The following CSMD1 variants were observed in gnomAD, a reference collection of about 807,000 sequenced individuals.
The protein encoded by CSMD1 is CUB and Sushi multiple domains 1.
CSMD1 carries 213 observed loss-of-function variants against 417.5 expected under a neutral mutation model. The observed-to-expected ratio is 0.51, with a 90% CI of 0.46 to 0.57. The LOEUF is 0.57. Ranked by LOEUF, CSMD1 falls within the 20% of genes least tolerant of loss-of-function variation. CSMD1 has a pLI of 0.00. For missense variants in CSMD1, 6,923 were observed against 4,529.7 expected, an observed-to-expected ratio of 1.53 and a Z score of -15.17; for synonymous variants, 2,862 against 1,736.8, an observed-to-expected ratio of 1.65 and a Z score of -16.11.
chr8:3,825,914 G>C (rs1273834218), intron 5 of CSMD1, among the ~76,000 whole-genome samples: 2 of 152,160 alleles, frequency 1.3e-5, no homozygotes, highest in Non-Finnish European at 2.9e-5. Flanking sequence ...CAGACATGCA[G>C]GTAAGAATTC....
chr8:4,332,488 T>A (rs1028058255), intron 3 of CSMD1, among the ~76,000 whole-genome samples: 10 of 151,490 alleles, frequency 6.6e-5, no homozygotes, highest in Admixed American at 2.0e-4. Flanking sequence ...ACCTCACAGA[T>A]AGGAGCTCTT....
At chr8:4,433,286 G>A (rs771631654) in intron 2 of CSMD1, among the ~76,000 whole-genome samples, 1 of 152,058 alleles carries the variant, frequency 6.6e-6, no homozygotes, top group Non-Finnish European at 1.5e-5. Flanking sequence ...CCACACCCTG[G>A]TCCGTAGAAA....
At chr8:3,571,100 C>G (rs1799924192) in intron 10 of CSMD1, among the ~76,000 whole-genome samples, 2 of 152,224 alleles carry the variant, frequency 1.3e-5, no homozygotes, top group Admixed American at 6.5e-5. Context: ...TGTAATGGCA[C>G]TTACAGGTGG....
At chr8:4,705,019 C>A (rs1009048760) in intron 1 of CSMD1, among the ~76,000 whole-genome samples, 1 of 152,180 alleles carries the variant, frequency 6.6e-6, no homozygotes, top group South Asian at 2.1e-4. Context: ...AATTTTGGAT[C>A]ATGGTAGTTA....
At chr8:4,051,224 C>T (rs1018258232) in intron 3 of CSMD1, among the ~76,000 whole-genome samples, 2 of 151,606 alleles carry the variant, frequency 1.3e-5, no homozygotes, top group Non-Finnish European at 2.9e-5. Context: ...AGGGACCAGG[C>T]CTGTGGGAAC....
At chr8:3,836,271 T>G (rs1802694575) in intron 5 of CSMD1, among the ~76,000 whole-genome samples, 1 of 152,176 alleles carries the variant, frequency 6.6e-6, no homozygotes, top group Non-Finnish European at 1.5e-5. Context: ...CAATGTGGCA[T>G]TAAAAAACTG....
chr8:4,826,977 C>T (rs1034273614), intron 1 of CSMD1, among the ~76,000 whole-genome samples: 8 of 151,988 alleles, frequency 5.3e-5, no homozygotes, highest in Non-Finnish European at 1.0e-4. Context: ...ACGTTGAATA[C>T]GACGGTAAGA....
chr8:4,762,677 A>G (rs906690009), intron 1 of CSMD1, among the ~76,000 whole-genome samples: 1 of 152,120 alleles, frequency 6.6e-6, no homozygotes, highest in Non-Finnish European at 1.5e-5. Flanking sequence ...TTCTCTATCA[A>G]TAAGGTCATT....
intron 2 of CSMD1, among the ~76,000 whole-genome samples, chr8:4,632,680 G>C (rs1300767170): frequency 2.0e-5 from 3 of 152,202 alleles, no homozygotes; most frequent in African/African-American, 2.4e-5. Flanking sequence ...GCAGGTGTGA[G>C]TTCAAAGGAG....
intron 1 of CSMD1, among the ~76,000 whole-genome samples, chr8:4,971,444 A>C (rs2117383139): frequency 6.6e-6 from 1 of 152,124 alleles, no homozygotes; most frequent in African/African-American, 2.4e-5. Context: ...CATAATTCTA[A>C]CCTTCTGAAA....
intron 3 of CSMD1, among the ~76,000 whole-genome samples, chr8:4,245,209 A>G (rs1802631533): frequency 6.6e-6 from 1 of 152,160 alleles, no homozygotes; most frequent in African/African-American, 2.4e-5. Context: ...GTAACTTACC[A>G]CTGGTTTTCT....
intron 11 of CSMD1, among the ~76,000 whole-genome samples, chr8:3,481,467 G>C (rs1817746940): frequency 6.6e-6 from 1 of 152,160 alleles, no homozygotes; most frequent in African/African-American, 2.4e-5. Flanking sequence ...ACTTCAGGTG[G>C]TAAATGTTCG....
At chr8:4,223,856 T>C (rs915892100) in intron 3 of CSMD1, among the ~76,000 whole-genome samples, 1 of 152,210 alleles carries the variant, frequency 6.6e-6, no homozygotes, top group African/African-American at 2.4e-5. Context: ...AATGAACATG[T>C]AAAGGTCCCT....
intron 1 of CSMD1, among the ~76,000 whole-genome samples, chr8:4,718,254 G>C (rs912344589): frequency 6.6e-5 from 10 of 152,118 alleles, no homozygotes; most frequent in African/African-American, 2.2e-4. Flanking sequence ...TGGGATTACA[G>C]GTGTGAGCCA....
chr8:3,795,980 C>CAGATATAGATATATATCTATCAT (rs1800073148), intron 5 of CSMD1, among the ~76,000 whole-genome samples: 1 of 51,626 alleles, frequency 1.9e-5, no homozygotes, highest in African/African-American at 6.0e-5. Flanking sequence ...CTATCATGTA[C>CAGATATAGATATATATCTATCAT]AGATATAGAT....
At chr8:3,953,903 TG>T (rs1811748378) in intron 5 of CSMD1, among the ~76,000 whole-genome samples, 1 of 152,208 alleles carries the variant, frequency 6.6e-6, no homozygotes, top group South Asian at 2.1e-4. Context: ...GACTGTGCTC[TG>T]GGCCACTGTC....
At chr8:4,160,691 C>G (rs572612949) in intron 3 of CSMD1, among the ~76,000 whole-genome samples, 4 of 152,356 alleles carry the variant, frequency 2.6e-5, no homozygotes, top group African/African-American at 4.8e-5. Context: ...GTCCCACACT[C>G]CATGTCTTCA....
Position 2,942,341 on chromosome 8 carries a change from TTA to T in CSMD1, c.10535+129_10535+130del. 5 of 863,898 alleles carry T rather than the reference TTA, an allele frequency of 5.8e-6. No individual in the cohort carries two copies. The East Asian group carries it at 1.1e-4, about 19-fold the overall frequency. 53.5% of individuals were successfully genotyped at this position (863,898 alleles called of 1,614,324 possible). On this transcript the variant is annotated intron_variant, in intron 69 of 69. Transcript: ENST00000635120. Reference sequence around the variant, plus strand: ...CCCGGAACTCAAAATAAAAGTTGATTTAAAAAAAAAAAAAGAACATTGCATAG... The same window carrying T: ...CCCGGAACTCAAAATAAAAGTTGATTAAAAAAAAAAAAGAACATTGCATAG...
intron 50 of CSMD1, among the ~76,000 whole-genome samples, chr8:3,047,446 C>G (rs1405505748): frequency 1.3e-5 from 2 of 152,098 alleles, no homozygotes; most frequent in African/African-American, 4.8e-5. Context: ...CAGTCTCACA[C>G]CAGTAGTTAC....
Sources: allele counts gnomAD v4.1 joint callset (sites outside exome capture counted in the v4.1 genomes callset), GRCh38; gene constraint gnomAD v4.1.1; transcripts MANE v1.5; gene names NCBI Gene and HGNC (gene_info 2026-07-23, HGNC 2026-07-21).